CNTNAP5: variants seen among roughly 807,000 people sequenced by gnomAD.
The protein encoded by CNTNAP5 is contactin associated protein family member 5.
CNTNAP5 carries 72 observed loss-of-function variants against 150.2 expected under a neutral mutation model. The observed-to-expected ratio is 0.48, with a 90% confidence interval of 0.40 to 0.58. The LOEUF is 0.58. CNTNAP5 is among the 20% of genes least tolerant of loss of function. The pLI is 0.00. For missense variants in CNTNAP5, 1,636 were observed against 1,626.2 expected, an observed-to-expected ratio of 1.01 and a Z score of -0.10; for synonymous variants, 672 against 619.8, an observed-to-expected ratio of 1.08 and a Z score of -1.25.
At chr2:124,685,766 G>GCA (rs1466622924) in intron 13 of CNTNAP5, among the ~76,000 whole-genome samples, 1 of 134,784 alleles carries the variant, frequency 7.4e-6, no homozygotes, top group Non-Finnish European at 1.6e-5. Context: ...GTGTGTGCGC[G>GCA]CGCGTGTTAT....
intron 1 of CNTNAP5, among the ~76,000 whole-genome samples, chr2:124,029,869 A>T (rs1007400519): frequency 6.6e-6 from 1 of 152,130 alleles, no homozygotes; most frequent in Non-Finnish European, 1.5e-5. Context: ...ATACAATGAT[A>T]ATTATCCCCC....
chr2:124,428,528 T>C (rs988212780), intron 4 of CNTNAP5, among the ~76,000 whole-genome samples: 2 of 152,190 alleles, frequency 1.3e-5, no homozygotes, highest in Admixed American at 6.5e-5. Context: ...CATGTGTACA[T>C]GGTTTCCCTG....
At chr2:124,688,677 G>C (rs1013503208) in intron 13 of CNTNAP5, among the ~76,000 whole-genome samples, 1 of 152,086 alleles carries the variant, frequency 6.6e-6, no homozygotes, top group Non-Finnish European at 1.5e-5. Flanking sequence ...GTCTGGGGAA[G>C]GGGAGGAATT....
chr2:124,078,440 G>T (rs1210708026), intron 1 of CNTNAP5, among the ~76,000 whole-genome samples: 1 of 152,162 alleles, frequency 6.6e-6, no homozygotes, highest in Non-Finnish European at 1.5e-5. Flanking sequence ...ATTCCTAGTT[G>T]CTGGTACCTA....
At chr2:124,074,909 G>C (rs72978430) in intron 1 of CNTNAP5, among the ~76,000 whole-genome samples, 1 of 152,032 alleles carries the variant, frequency 6.6e-6, no homozygotes, top group Admixed American at 6.6e-5. Flanking sequence ...GCAAAGCATG[G>C]TGCTATTCCA....
intron 1 of CNTNAP5, among the ~76,000 whole-genome samples, chr2:124,091,244 G>A (rs1461652979): frequency 6.6e-6 from 1 of 152,152 alleles, no homozygotes; most frequent in Admixed American, 6.5e-5. Context: ...CAGTATAAAA[G>A]TGTGGTTTCA....
chr2:124,453,100 C>T (rs1693028211), intron 6 of CNTNAP5, among the ~76,000 whole-genome samples: 1 of 151,584 alleles, frequency 6.6e-6, no homozygotes, highest in African/African-American at 2.4e-5. Flanking sequence ...CAGAGAAAGT[C>T]AAAGCCCAAC....
At chr2:124,078,606 C>T (rs1682491237) in intron 1 of CNTNAP5, among the ~76,000 whole-genome samples, 1 of 152,200 alleles carries the variant, frequency 6.6e-6, no homozygotes, top group Admixed American at 6.5e-5. Flanking sequence ...GAACAATTTA[C>T]AATTTTTGCC....
intron 3 of CNTNAP5, among the ~76,000 whole-genome samples, chr2:124,329,733 T>C (rs1330881992): frequency 6.6e-6 from 1 of 152,180 alleles, no homozygotes; most frequent in Non-Finnish European, 1.5e-5. Context: ...TGGTTTGTAT[T>C]TCAGAAGGTA....
intron 22 of CNTNAP5, among the ~76,000 whole-genome samples, chr2:124,905,122 T>TG (rs1388422660): frequency 1.6e-5 from 2 of 121,520 alleles, no homozygotes; most frequent in Non-Finnish European, 1.8e-5. Context: ...TTTTGTTTTT[T>TG]TTTGTTTTTT....
chr2:124,504,038 C>T (rs867305070), intron 7 of CNTNAP5, among the ~76,000 whole-genome samples: 24 of 152,266 alleles, frequency 1.6e-4, no homozygotes, highest in African/African-American at 5.3e-4. Flanking sequence ...AGTGTGGATA[C>T]TTCCATCCCC....
At chr2:124,583,823 T>G (rs1364340182) in intron 11 of CNTNAP5, among the ~76,000 whole-genome samples, 1 of 152,150 alleles carries the variant, frequency 6.6e-6, no homozygotes, top group Non-Finnish European at 1.5e-5. Context: ...ACCTTCTGGG[T>G]CAGGTGTGTG....
chr2:124,387,824 A>G (rs562309689), intron 3 of CNTNAP5, among the ~76,000 whole-genome samples: 2 of 152,264 alleles, frequency 1.3e-5, no homozygotes, highest in East Asian at 3.9e-4. Flanking sequence ...GCCTGACACA[A>G]AGCAAGTAGA....
intron 2 of CNTNAP5, among the ~76,000 whole-genome samples, chr2:124,231,176 C>T (rs1359915479): frequency 6.6e-6 from 1 of 152,170 alleles, no homozygotes; most frequent in Non-Finnish European, 1.5e-5. Flanking sequence ...TAGAGGATCA[C>T]TGAACCTTTT....
intron 11 of CNTNAP5, among the ~76,000 whole-genome samples, chr2:124,579,847 G>A (rs1174942050): frequency 6.6e-6 from 1 of 152,222 alleles, no homozygotes; most frequent in Non-Finnish European, 1.5e-5. Context: ...ATGACCAAAA[G>A]GAGGGAGTTT....
chr2:124,531,814 A>G (rs964297344), intron 10 of CNTNAP5, among the ~76,000 whole-genome samples: 4 of 152,128 alleles, frequency 2.6e-5, no homozygotes, highest in African/African-American at 4.8e-5. Context: ...TTGTCGACCT[A>G]AAAGGAAAAA....
chr2:124,071,415 G>A (rs1682301779), intron 1 of CNTNAP5, among the ~76,000 whole-genome samples: 1 of 151,756 alleles, frequency 6.6e-6, no homozygotes, highest in Non-Finnish European at 1.5e-5. Flanking sequence ...TGAAAAGTTT[G>A]TTTTTTGAAA....
chr2:124,747,845 G>A (rs1304747509), intron 14 of CNTNAP5, among the ~76,000 whole-genome samples: 14 of 130,788 alleles, frequency 1.1e-4, no homozygotes, highest in African/African-American at 4.0e-4. Flanking sequence ...CACCATGTTG[G>A]CCAGGATGGT....
At chr2:124,520,150 G>C (rs1444940804) in intron 8 of CNTNAP5, among the ~76,000 whole-genome samples, 6 of 152,084 alleles carry the variant, frequency 3.9e-5, no homozygotes, top group Non-Finnish European at 7.3e-5. Flanking sequence ...TATTTATTTA[G>C]AGCTTTTCTC....
Sources: allele counts gnomAD v4.1 joint callset (sites outside exome capture counted in the v4.1 genomes callset), GRCh38; gene constraint gnomAD v4.1.1; transcripts MANE v1.5; gene names NCBI Gene and HGNC (gene_info 2026-07-23, HGNC 2026-07-21).